TSPAN18: variants seen among roughly 807,000 people sequenced by gnomAD.
The protein encoded by TSPAN18 is tetraspanin-18.
In TSPAN18, 14 loss-of-function variants were observed where a neutral mutation model predicts 27.3. That is an observed-to-expected ratio of 0.51 (90% CI 0.34 to 0.80). TSPAN18 has a LOEUF of 0.80. Ranked by LOEUF, TSPAN18 falls within the 30% of genes least tolerant of loss-of-function variation. TSPAN18 has a pLI of 0.01. For missense variants in TSPAN18, 268 were observed against 323.9 expected (o/e 0.83, Z 1.32); for synonymous variants, 143 against 136.5 (o/e 1.05, Z -0.33).
intron 2 of TSPAN18, among the ~76,000 whole-genome samples, chr11:44,789,572 TC>T (rs1856142093): frequency 6.6e-6 from 1 of 152,146 alleles, no homozygotes; most frequent in African/African-American, 2.4e-5. Context: ...GCTCTGTTCA[TC>T]CTTGAAAGTA....
At chr11:44,790,473 G>A (rs577342364) in intron 2 of TSPAN18, among the ~76,000 whole-genome samples, 5 of 147,942 alleles carry the variant, frequency 3.4e-5, no homozygotes, top group South Asian at 2.2e-4. Context: ...GCATGTGTTC[G>A]TGTGTGTGCA....
chr11:44,811,045 A>C (rs1405670695), intron 2 of TSPAN18, among the ~76,000 whole-genome samples: 1 of 151,992 alleles, frequency 6.6e-6, no homozygotes, highest in Non-Finnish European at 1.5e-5. Context: ...TATCCGTCTC[A>C]TCCCAAAACA....
chr11:44,853,826 G>A (rs72897390), intron 2 of TSPAN18, among the ~76,000 whole-genome samples: 12,512 of 152,198 alleles, frequency 0.082, 667 homozygotes, highest in Middle Eastern at 0.17. Context: ...GCAGCACCTC[G>A]GGGAGGAGGC....
intron 2 of TSPAN18, among the ~76,000 whole-genome samples, chr11:44,857,819 A>G (rs189296398): frequency 1.3e-5 from 2 of 152,316 alleles, no homozygotes; most frequent in East Asian, 1.9e-4. Flanking sequence ...ATTTACAACG[A>G]CACATATTCA....
chr11:44,864,090 C>T (rs1857968370), intron 3 of TSPAN18, among the ~76,000 whole-genome samples: 1 of 151,902 alleles, frequency 6.6e-6, no homozygotes, highest in African/African-American at 2.4e-5. Flanking sequence ...AGTTCGAGAG[C>T]AGCCTGGCCA....
intron 2 of TSPAN18, among the ~76,000 whole-genome samples, chr11:44,834,046 A>G (rs11038172): frequency 0.059 from 9,001 of 151,684 alleles, 1,514 homozygotes; most frequent in East Asian, 0.59. Context: ...CCCAGCTACA[A>G]GCAGTCCCAG....
chr11:44,832,245 G>A (rs983064598), intron 2 of TSPAN18, among the ~76,000 whole-genome samples: 2 of 152,112 alleles, frequency 1.3e-5, no homozygotes, highest in Non-Finnish European at 2.9e-5. Context: ...GCCCACCTCC[G>A]AGCCACCTCC....
At chr11:44,766,802 G>A (rs1855578089) in intron 2 of TSPAN18, among the ~76,000 whole-genome samples, 1 of 152,226 alleles carries the variant, frequency 6.6e-6, no homozygotes, top group Non-Finnish European at 1.5e-5. Flanking sequence ...CTGGGGTTTT[G>A]GAGCCAGAAG....
In TSPAN18 at chr11:44,909,032, C is replaced by G. The variant is rs149130933; in HGVS notation, c.64-673C>G. Reference sequence around the variant, plus strand: ...CTCTCTAGACTACGCTGCCTCTTTCCAAAGATAAATAAGGCATAGAGAGCC... The same window carrying G: ...CTCTCTAGACTACGCTGCCTCTTTCGAAAGATAAATAAGGCATAGAGAGCC... On this transcript the variant is annotated intron_variant, in intron 4 of 9. Transcript: ENST00000520358. Among the ~76,000 whole-genome samples, 858 of 152,118 alleles carry G rather than the reference C, an allele frequency of 5.6e-3. 4 individuals are homozygous for G. The highest frequency in any genetic ancestry group is 0.01 in the Middle Eastern group (3 of 294).
chr11:44,915,031 G>A (rs549351827), intron 5 of TSPAN18, among the ~76,000 whole-genome samples: 16 of 152,326 alleles, frequency 1.1e-4, no homozygotes, highest in Middle Eastern at 3.4e-3. Context: ...CCAGAGTGAC[G>A]GGCACACAGA....
chr11:44,774,948 T>C (rs12420913), intron 2 of TSPAN18, among the ~76,000 whole-genome samples: 8,115 of 152,234 alleles, frequency 0.053, 1,066 homozygotes, highest in East Asian at 0.49. Flanking sequence ...ATGTGTTCAA[T>C]AGTTGACACC....
At chr11:44,915,127 C>T (rs1867791) in intron 5 of TSPAN18, among the ~76,000 whole-genome samples, 83,200 of 152,046 alleles carry the variant, frequency 0.55, 23,207 homozygotes, top group East Asian at 0.83. Context: ...AGCTCATTGC[C>T]GTGGATGGAA....
intron 9 of TSPAN18, among the ~76,000 whole-genome samples, chr11:44,928,533 A>G (rs745469409): frequency 3.3e-5 from 5 of 152,182 alleles, no homozygotes; most frequent in African/African-American, 4.8e-5. Flanking sequence ...ACGCCTGTAA[A>G]TCCTAGCACT....
At chr11:44,870,228 G>A (rs535063924) in intron 3 of TSPAN18, among the ~76,000 whole-genome samples, 10 of 152,232 alleles carry the variant, frequency 6.6e-5, no homozygotes, top group Admixed American at 2.0e-4. Flanking sequence ...AAGAAATGTG[G>A]CATACATTTG....
chr11:44,885,976 G>C (rs1234137719), intron 3 of TSPAN18: 1 of 152,334 alleles, frequency 6.6e-6, no homozygotes, highest in Non-Finnish European at 1.5e-5. Context: ...GCCTGGGACT[G>C]GGCTTGATTT....
intron 2 of TSPAN18, among the ~76,000 whole-genome samples, chr11:44,765,826 C>CTTTGT (rs1181922966): frequency 6.6e-6 from 1 of 152,136 alleles, no homozygotes; most frequent in Admixed American, 6.5e-5. Flanking sequence ...TTGTCCTATA[C>CTTTGT]TTTGTTTTGT....
rs1855363501 is a variant in TSPAN18, at chr11:44,757,681, C to T, written c.-239-6745C>T. On this transcript the variant is annotated intron_variant, in intron 1 of 9. Transcript: ENST00000520358. ...ATTACAGGCAGTGTGAGCCACTGTG[C>T]CTGGCCTCATTGCAGGTTTTGATTT... is the stretch of plus-strand genomic sequence containing the variant. Among the ~76,000 whole-genome samples, 3 of 152,160 alleles carry T rather than the reference C, an allele frequency of 2.0e-5. No homozygotes were observed. In the South Asian group the frequency reaches 6.2e-4, roughly 32 times the overall value.
At chr11:44,881,412 C>T (rs529990865) in intron 3 of TSPAN18, among the ~76,000 whole-genome samples, 4 of 152,212 alleles carry the variant, frequency 2.6e-5, no homozygotes, top group East Asian at 1.9e-4. Flanking sequence ...AATATCATGA[C>T]GAGAACAGGT....
intron 1 of TSPAN18, among the ~76,000 whole-genome samples, chr11:44,763,492 G>A (rs1855498988): frequency 6.6e-6 from 1 of 152,180 alleles, no homozygotes; most frequent in Non-Finnish European, 1.5e-5. Flanking sequence ...TACCACCGGA[G>A]ACTTTCCTTA....
Sources: gnomAD v4.1 joint callset for allele counts (sites outside exome capture counted in the v4.1 genomes callset) on GRCh38, gnomAD v4.1.1 for gene constraint, MANE v1.5 for transcripts, NCBI Gene and HGNC (gene_info 2026-07-23, HGNC 2026-07-21) for gene names.